PAK5: variants seen among roughly 807,000 people sequenced by gnomAD.
PAK5 encodes serine/threonine-protein kinase PAK 5.
A neutral mutation model predicts 65.9 loss-of-function variants in PAK5; 16 were observed. The ratio of observed to expected loss-of-function variants is 0.24; its 90% CI spans 0.16 to 0.37. The LOEUF (loss-of-function observed/expected upper bound fraction) is 0.37. Among genes scored for constraint, PAK5 ranks in the 10% least tolerant of loss-of-function variants. The pLI, the probability that PAK5 is intolerant of heterozygous loss-of-function variation, is 1.00. For missense variants in PAK5, 785 were observed against 903.9 expected (o/e 0.87, Z 1.69); for synonymous variants, 371 against 354.9 (o/e 1.05, Z -0.51).
intron 2 of PAK5, among the ~76,000 whole-genome samples, chr20:9,660,113 T>C (rs992706879): frequency 1.3e-5 from 2 of 152,010 alleles, no homozygotes; most frequent in African/African-American, 4.8e-5. Context: ...CTTTTCAGAT[T>C]CTCACTTACA....
intron 3 of PAK5, among the ~76,000 whole-genome samples, chr20:9,606,161 G>C (rs562575551): frequency 1.2e-3 from 190 of 152,284 alleles, no homozygotes; most frequent in African/African-American, 4.5e-3. Flanking sequence ...CCATCCCCTT[G>C]GTACTATTCT....
intron 7 of PAK5, among the ~76,000 whole-genome samples, chr20:9,552,639 G>GCA (rs1463462889): frequency 2.0e-5 from 3 of 151,980 alleles, no homozygotes; most frequent in African/African-American, 7.2e-5. Flanking sequence ...CTAGTCTTTT[G>GCA]AGAGGACAGA....
intron 3 of PAK5, among the ~76,000 whole-genome samples, chr20:9,583,619 A>AT (rs1167806813): frequency 6.6e-6 from 1 of 152,074 alleles, no homozygotes; most frequent in South Asian, 2.1e-4. Flanking sequence ...CTTCTGGTTT[A>AT]TTTTTTGTTG....
chr20:9,689,483 A>G (rs2047763632), intron 2 of PAK5, among the ~76,000 whole-genome samples: 1 of 152,136 alleles, frequency 6.6e-6, no homozygotes, highest in South Asian at 2.1e-4. Flanking sequence ...CCGGCAGCCT[A>G]ACTCTCTCTT....
At chr20:9,728,516 A>G (rs1600295626) in intron 1 of PAK5, among the ~76,000 whole-genome samples, 1 of 152,256 alleles carries the variant, frequency 6.6e-6, no homozygotes. Flanking sequence ...GACTAATCCA[A>G]ATTGAGGGAT....
chr20:9,748,303 C>T (rs2048532463), intron 1 of PAK5, among the ~76,000 whole-genome samples: 1 of 152,120 alleles, frequency 6.6e-6, no homozygotes, highest in African/African-American at 2.4e-5. Flanking sequence ...ATCAAGCTAC[C>T]AATGACTTCC....
At chr20:9,724,930 G>T (rs1000585217) in intron 1 of PAK5, among the ~76,000 whole-genome samples, 3 of 152,118 alleles carry the variant, frequency 2.0e-5, no homozygotes, top group Non-Finnish European at 4.4e-5. Context: ...AAGGATAAAT[G>T]CTTGAGGTGA....
chr20:9,787,533 T>C (rs2049004768), intron 1 of PAK5, among the ~76,000 whole-genome samples: 1 of 152,112 alleles, frequency 6.6e-6, no homozygotes. Context: ...GGGAGTGGTC[T>C]CTTGGGTAAG....
At chr20:9,673,302 C>G (rs935387060) in intron 2 of PAK5, among the ~76,000 whole-genome samples, 4 of 152,066 alleles carry the variant, frequency 2.6e-5, no homozygotes, top group Non-Finnish European at 4.4e-5. Context: ...AAATGAATCT[C>G]TCAAATCTCT....
chr20:9,790,291 A>T (rs7271031), intron 1 of PAK5, among the ~76,000 whole-genome samples: 1 of 152,104 alleles, frequency 6.6e-6, no homozygotes, highest in Admixed American at 6.6e-5. Flanking sequence ...TTATGTAAAC[A>T]AATTAATCAG....
At chr20:9,685,451 T>A (rs908153803) in intron 2 of PAK5, among the ~76,000 whole-genome samples, 2 of 152,052 alleles carry the variant, frequency 1.3e-5, no homozygotes, top group Admixed American at 1.3e-4. Context: ...GAACCACAAA[T>A]AATCATGAAG....
intron 1 of PAK5, among the ~76,000 whole-genome samples, chr20:9,788,216 G>A (rs2049013847): frequency 6.6e-6 from 1 of 152,004 alleles, no homozygotes; most frequent in Admixed American, 6.6e-5. Context: ...GAAATACACA[G>A]ACATCTCAAC....
intron 1 of PAK5, among the ~76,000 whole-genome samples, chr20:9,775,707 G>A (rs893689271): frequency 2.0e-5 from 3 of 152,074 alleles, no homozygotes; most frequent in Non-Finnish European, 4.4e-5. Context: ...CATAAATCTT[G>A]AACAAGTATG....
chr20:9,707,786 G>T (rs2423427), intron 2 of PAK5, among the ~76,000 whole-genome samples: 102,263 of 151,902 alleles, frequency 0.67, 34,655 homozygotes, highest in East Asian at 0.85. Flanking sequence ...ATCCAGTCAA[G>T]CACCAGACAT....
At chr20:9,781,942 T>C (rs1222969777) in intron 1 of PAK5, among the ~76,000 whole-genome samples, 5 of 152,182 alleles carry the variant, frequency 3.3e-5, no homozygotes, top group African/African-American at 4.8e-5. Context: ...GTCCGAATAA[T>C]TTTTAAGTGA....
chr20:9,591,775 A>G (rs184212373), intron 3 of PAK5, among the ~76,000 whole-genome samples: 206 of 152,232 alleles, frequency 1.4e-3, no homozygotes, highest in South Asian at 0.011. Flanking sequence ...AGGCATATTT[A>G]TTTTAAATTT....
At chr20:9,549,298 G>A (rs1375594678) in intron 7 of PAK5, among the ~76,000 whole-genome samples, 1 of 152,076 alleles carries the variant, frequency 6.6e-6, no homozygotes, top group Non-Finnish European at 1.5e-5. Context: ...ATACAAATAA[G>A]GGAGAGGAGA....
intron 1 of PAK5, among the ~76,000 whole-genome samples, chr20:9,716,666 T>G (rs149101579): frequency 6.6e-6 from 1 of 152,196 alleles, no homozygotes; most frequent in Admixed American, 6.5e-5. Context: ...TAAAATTACT[T>G]TAAGACATTC....
chr20:9,796,262 A>C (rs1019111817), intron 1 of PAK5, among the ~76,000 whole-genome samples: 1 of 152,126 alleles, frequency 6.6e-6, no homozygotes, highest in Non-Finnish European at 1.5e-5. Context: ...GGAGAAGAAC[A>C]GAGGGAACAA....
Sources: gnomAD v4.1 joint callset for allele counts (sites outside exome capture counted in the v4.1 genomes callset) on GRCh38, gnomAD v4.1.1 for gene constraint, MANE v1.5 for transcripts, NCBI Gene and HGNC (gene_info 2026-07-23, HGNC 2026-07-21) for gene names.